The following SNRPB2 variants were observed in gnomAD, a reference collection of about 807,000 sequenced individuals.
SNRPB2 encodes U2 small nuclear ribonucleoprotein B''.
Under a neutral mutation model 26.3 loss-of-function variants are expected in SNRPB2, and 16 were observed. The ratio of observed to expected loss-of-function variants is 0.61; its 90% CI spans 0.41 to 0.92. The LOEUF is 0.92. SNRPB2 is among the 40% of genes least tolerant of loss of function. SNRPB2 has a pLI of 0.00. For synonymous variants in SNRPB2, 75 were observed against 89.0 expected (o/e 0.84, Z 0.88); for missense variants, 179 against 268.1 (o/e 0.67, Z 2.32).
Position 16,731,688 on chromosome 20 carries a change from G to A in SNRPB2, c.-15G>A. ...AACAGATTTTTTACTGTCTCCTGAA[G>A]AATTTAACACAAACATGGATATCAG... On this transcript the variant is annotated 5_prime_UTR_variant, in exon 2 of 7. Coordinates refer to ENST00000246071, the MANE Select transcript of SNRPB2 (RefSeq NM_003092.5). The A allele has an allele frequency of 6.2e-7, 1 of 1,611,362 alleles. No homozygotes were observed. Among genetic ancestry groups the A allele is most frequent in the South Asian group, 1.1e-5 (1 of 90,842 alleles).
chr20:16,736,121 C>G (rs1025635816), intron 3 of SNRPB2, among the ~76,000 whole-genome samples: 2 of 152,130 alleles, frequency 1.3e-5, no homozygotes, highest in Admixed American at 1.3e-4. Flanking sequence ...TGATGTAAAT[C>G]AAATTGGTAC....
chr20:16,736,578 G>T (rs1046833389), intron 3 of SNRPB2, among the ~76,000 whole-genome samples: 2 of 152,140 alleles, frequency 1.3e-5, no homozygotes, highest in Non-Finnish European at 2.9e-5. Context: ...GTTCTGTGGG[G>T]ACTCTGCCAA....
chr20:16,733,549 T>G (rs894507090), intron 3 of SNRPB2, among the ~76,000 whole-genome samples: 2 of 152,230 alleles, frequency 1.3e-5, no homozygotes, highest in Non-Finnish European at 2.9e-5. Context: ...GTATTGTGAT[T>G]TTTTTTCTGC....
intron 5 of SNRPB2, among the ~76,000 whole-genome samples, chr20:16,740,118 G>A (rs1005990687): frequency 1.3e-5 from 2 of 151,980 alleles, no homozygotes; most frequent in African/African-American, 4.8e-5. Context: ...TTCATATACT[G>A]TTAAACACTT....
intron 3 of SNRPB2, 30 bp downstream of exon 3, chr20:16,732,366 CAAG>C (rs2072398805): frequency 1.6e-6 from 2 of 1,271,952 alleles, no homozygotes; most frequent in Non-Finnish European, 1.1e-6. Context: ...TCACTTTAAT[CAAG>C]AAATTAATGA....
chr20:16,740,351 T>A lies in SNRPB2; in HGVS notation c.456T>A (p.Ile152=), dbSNP rs2072455211. The A allele has an allele frequency of 6.2e-7, 1 of 1,611,612 alleles. No individual in the cohort carries two copies. Among genetic ancestry groups the A allele is most frequent in the Non-Finnish European group, 8.5e-7 (1 of 1,178,888 alleles). ...PQVPDYPPNY[I]LFLNNLPEET... The stretch of plus-strand genomic sequence containing the variant: ...TCCCTGATTACCCTCCAAACTATAT[T>A]TTATTCCTTAATAACTTACCAGAAG... Residue 152 remains isoleucine (I), a synonymous_variant, in exon 6 of 7, where the codon ATT becomes ATA. Coordinates refer to ENST00000246071, the MANE Select transcript of SNRPB2 (RefSeq NM_003092.5).
chr20:16,737,541 A>C, intron 4 of SNRPB2, 140 bp downstream of exon 4: 1 of 637,228 alleles, frequency 1.6e-6, no homozygotes, highest in South Asian at 4.2e-5. Flanking sequence ...AAGAAGCTAG[A>C]ATGGTTGACT....
chr20:16,730,874 C>T (rs1476676395), intron 1 of SNRPB2: 1 of 152,240 alleles, frequency 6.6e-6, no homozygotes, highest in African/African-American at 2.4e-5. Flanking sequence ...TGCTTATTAG[C>T]TGTGTGACCT....
intron 5 of SNRPB2, 82 bp downstream of exon 5, chr20:16,738,984 C>A (rs2072446048): frequency 1.1e-6 from 1 of 899,984 alleles, no homozygotes; most frequent in African/African-American, 1.7e-5. Context: ...TTCCATGTCT[C>A]CAAAAACAAA....
chr20:16,742,069 T>TAA lies in SNRPB2; in HGVS notation c.*1065_*1066insAA, dbSNP rs11483279. 6.6e-6 allele frequency: 1 copy of TAA among 152,094 alleles called. No homozygotes were observed. The highest frequency in any genetic ancestry group is 1.5e-5 in the Non-Finnish European group (1 of 68,020). 9.4% of individuals were successfully genotyped at this position (152,094 alleles called of 1,614,324 possible). The stretch of plus-strand genomic sequence containing the variant: ...CTACTTATGGAAAGACTTTTAGACT[T>TAA]ACGTAGACAGTATCACATCACTCTT... On this transcript the variant is annotated 3_prime_UTR_variant, in exon 7 of 7. Transcript: ENST00000246071.
chr20:16,730,841 A>AAGGGCTGAATTTCC (rs2072385144), intron 1 of SNRPB2: 1 of 152,370 alleles, frequency 6.6e-6, no homozygotes, highest in Admixed American at 6.5e-5. Context: ...AGGAGAAAGC[A>AAGGGCTGAATTTCC]AGGGCTGAAT....
chr20:16,734,453 A>G (rs1371359098), intron 3 of SNRPB2, among the ~76,000 whole-genome samples: 1 of 152,238 alleles, frequency 6.6e-6, no homozygotes, highest in African/African-American at 2.4e-5. Flanking sequence ...CATTTAGTTA[A>G]TGCCAAAAGT....
At chr20:16,737,553 A>G (rs2072434736) in intron 4 of SNRPB2, 152 bp downstream of exon 4, 1 of 587,420 alleles carries the variant, frequency 1.7e-6, no homozygotes, top group Admixed American at 3.6e-5. Flanking sequence ...TGGTTGACTT[A>G]TAAAATTCAG....
rs1029845981 is a variant in SNRPB2, at chr20:16,740,538, A to G, written c.518+125A>G. Reference sequence around the variant, plus strand: ...TACAGGTTCATTGATTTGGTTTGGGATGAATCATGAATTGGAGCCAATTTG... The same window carrying G: ...TACAGGTTCATTGATTTGGTTTGGGGTGAATCATGAATTGGAGCCAATTTG... On this transcript the variant is annotated intron_variant, in intron 6 of 6. Coordinates refer to ENST00000246071, the MANE Select transcript of SNRPB2 (RefSeq NM_003092.5). 1.7e-5 allele frequency: 24 copies of G among 1,445,382 alleles called. 1 individual carries two copies. The highest frequency in any genetic ancestry group is 2.2e-5 in the Non-Finnish European group (24 of 1,100,614). 89.5% of individuals were successfully genotyped at this position (1,445,382 alleles called of 1,614,324 possible). A position where few individuals can be genotyped will look rare whatever the true frequency, so the allele number is the denominator to read the frequency against.
At position 16,739,088 on chromosome 20, in the gene SNRPB2, A is replaced by G. The variant is rs562098747; in HGVS notation, c.429+186A>G. Among the ~76,000 whole-genome samples the G allele has an allele frequency of 8.5e-5, 13 of 152,326 alleles. No individual in the cohort carries two copies. The East Asian group carries it at 2.1e-3, about 25-fold the overall frequency. ...AGAACATTTTAATTCTTTTTTAGAG[A>G]GAGAAAACGACACCTGACTTTATTT... On this transcript the variant is annotated intron_variant, in intron 5 of 6. Transcript: ENST00000246071.
In SNRPB2 at chr20:16,730,357, G is replaced by A. The variant is rs6044271; in HGVS notation, c.-36+193G>A. ...AAGGATAGTTAATGTCAGTCTGCTC[G>A]TGCGAGGCGTGGACAGTTCACTGCG... On this transcript the variant is annotated intron_variant, in intron 1 of 6. Transcript: ENST00000246071. Among the ~76,000 whole-genome samples, 656 of 152,334 alleles carry A rather than the reference G, an allele frequency of 4.3e-3. 7 individuals are homozygous for A. Among genetic ancestry groups the A allele is most frequent in the African/African-American group, 0.015 (620 of 41,576 alleles).
intron 5 of SNRPB2, among the ~76,000 whole-genome samples, chr20:16,739,584 A>G (rs1245325685): frequency 1.3e-5 from 2 of 151,990 alleles, no homozygotes; most frequent in Non-Finnish European, 2.9e-5. Flanking sequence ...TTATCTCCTC[A>G]GCATTTATAG....
rs1228261504 is a variant in SNRPB2, at chr20:16,737,247, A to C, written c.238-14A>C. The stretch of plus-strand genomic sequence containing the variant: ...CAGCATGAGAAGTAACCTGTTTTCA[A>C]ATAATTAAAACAGCGAATACAGTAT... On this transcript the variant is annotated splice_polypyrimidine_tract_variant and intron_variant, in intron 3 of 6. Coordinates refer to ENST00000246071, the MANE Select transcript of SNRPB2 (RefSeq NM_003092.5). 1.3e-6 allele frequency: 2 copies of C among 1,566,846 alleles called. No homozygotes were observed. The highest frequency in any genetic ancestry group is 2.3e-5 in the East Asian group (1 of 44,400).
chr20:16,732,493 G>GT (rs1316927498), intron 3 of SNRPB2, 157 bp downstream of exon 3: 1 of 511,452 alleles, frequency 2.0e-6, no homozygotes, highest in East Asian at 3.3e-5. Context: ...TAGTGGTAGA[G>GT]TTTAATTTAT....
Sources: allele counts gnomAD v4.1 joint callset (sites outside exome capture counted in the v4.1 genomes callset), GRCh38; gene constraint gnomAD v4.1.1; transcripts MANE v1.5; gene names NCBI Gene and HGNC (gene_info 2026-07-23, HGNC 2026-07-21).